HTR1F: variants seen among roughly 807,000 people sequenced by gnomAD.
The protein encoded by HTR1F is 5-hydroxytryptamine receptor 1F, also known as 5-hydroxytryptamine (serotonin) receptor 1F, G protein-coupled.
A neutral mutation model predicts 24.0 loss-of-function variants in HTR1F; 17 were observed. That is an observed-to-expected ratio of 0.71 (90% CI 0.48 to 1.06). HTR1F has a LOEUF of 1.06. Among genes scored for constraint, HTR1F ranks in the 50% least tolerant of loss-of-function variants. The probability of loss-of-function intolerance (pLI) is 0.00; values close to 1 mark genes in which losing one functional copy is unlikely to be tolerated. For synonymous variants in HTR1F, 186 were observed against 156.8 expected (o/e 1.19, Z -1.39); for missense variants, 391 against 427.8 (o/e 0.91, Z 0.76).
chr3:87,934,013 GA>G (rs1344524755), intron 2 of HTR1F, among the ~76,000 whole-genome samples: 1 of 152,082 alleles, frequency 6.6e-6, no homozygotes, highest in Non-Finnish European at 1.5e-5. Context: ...CAGTCCCTGG[GA>G]AAACTGTTCC....
chr3:87,844,370 G>C (rs1242655718), intron 2 of HTR1F, among the ~76,000 whole-genome samples: 2 of 136,442 alleles, frequency 1.5e-5, no homozygotes, highest in African/African-American at 6.5e-5. Context: ...CTTTTTGATG[G>C]GGTTGTTTGT....
At chr3:87,801,864 A>T (rs1360192228) in intron 1 of HTR1F, among the ~76,000 whole-genome samples, 1 of 152,180 alleles carries the variant, frequency 6.6e-6, no homozygotes, top group African/African-American at 2.4e-5. Flanking sequence ...TCAAGGTTAT[A>T]TCCAAATACC....
intron 2 of HTR1F, among the ~76,000 whole-genome samples, chr3:87,901,449 C>T (rs780607231): frequency 4.7e-4 from 71 of 152,102 alleles, no homozygotes; most frequent in Non-Finnish European, 9.3e-4. Context: ...ACCATGCTGA[C>T]ACCTTGATCT....
chr3:87,919,432 A>G (rs1703964085), intron 2 of HTR1F, among the ~76,000 whole-genome samples: 1 of 152,170 alleles, frequency 6.6e-6, no homozygotes, highest in South Asian at 2.1e-4. Context: ...CAGAGTTAAC[A>G]GACAACCCAC....
At chr3:87,893,986 T>A (rs1270305803) in intron 2 of HTR1F, among the ~76,000 whole-genome samples, 1 of 151,954 alleles carries the variant, frequency 6.6e-6, no homozygotes, top group Non-Finnish European at 1.5e-5. Flanking sequence ...TTTTCCTTTC[T>A]GCTTTGGACA....
intron 2 of HTR1F, among the ~76,000 whole-genome samples, chr3:87,929,495 T>C (rs1213800295): frequency 2.0e-5 from 3 of 152,216 alleles, no homozygotes; most frequent in Non-Finnish European, 4.4e-5. Context: ...GGATATAATT[T>C]ATAGATTCAA....
At chr3:87,878,532 G>A (rs1705719861) in intron 2 of HTR1F, among the ~76,000 whole-genome samples, 1 of 152,248 alleles carries the variant, frequency 6.6e-6, no homozygotes, top group African/African-American at 2.4e-5. Context: ...ATTGTAGGAT[G>A]AGGCAGAGGC....
At chr3:87,900,932 AT>A (rs1559624080) in intron 2 of HTR1F, among the ~76,000 whole-genome samples, 1 of 152,164 alleles carries the variant, frequency 6.6e-6, no homozygotes, top group Non-Finnish European at 1.5e-5. Context: ...CCCAGAATAG[AT>A]AAGTTTGGAA....
intron 2 of HTR1F, among the ~76,000 whole-genome samples, chr3:87,929,676 A>G (rs1185533388): frequency 1.3e-5 from 2 of 152,194 alleles, no homozygotes; most frequent in African/African-American, 4.8e-5. Context: ...TTCTTGTAGC[A>G]GGACCATGCT....
chr3:87,899,339 C>CTT (rs1706273065), intron 2 of HTR1F, among the ~76,000 whole-genome samples: 1 of 152,156 alleles, frequency 6.6e-6, no homozygotes, highest in Non-Finnish European at 1.5e-5. Flanking sequence ...AGAATTCTTT[C>CTT]ATTAAAACAG....
chr3:87,805,295 A>G (rs974051995), intron 1 of HTR1F, among the ~76,000 whole-genome samples: 1 of 152,030 alleles, frequency 6.6e-6, no homozygotes, highest in Admixed American at 6.6e-5. Context: ...GAGATAGCAG[A>G]AAAGTTAAGA....
chr3:87,982,804 T>C (rs1705575545), intron 2 of HTR1F, among the ~76,000 whole-genome samples: 1 of 152,210 alleles, frequency 6.6e-6, no homozygotes, highest in Non-Finnish European at 1.5e-5. Context: ...TAGGGGTGTC[T>C]ATTGCAATTA....
At chr3:87,810,484 T>A (rs1385841429) in intron 1 of HTR1F, among the ~76,000 whole-genome samples, 4 of 152,174 alleles carry the variant, frequency 2.6e-5, no homozygotes, top group Admixed American at 2.6e-4. Flanking sequence ...TTTCTTTTGA[T>A]GCCTTTCTTT....
intron 2 of HTR1F, among the ~76,000 whole-genome samples, chr3:87,919,936 C>A (rs56374909): frequency 6.6e-6 from 1 of 151,504 alleles, no homozygotes; most frequent in Non-Finnish European, 1.5e-5. Flanking sequence ...TATAGCAGCA[C>A]AATTTGCAAT....
chr3:87,845,491 A>G (rs1293978070), intron 2 of HTR1F, among the ~76,000 whole-genome samples: 1 of 149,064 alleles, frequency 6.7e-6, no homozygotes, highest in Non-Finnish European at 1.5e-5. Flanking sequence ...CAATTGCTTC[A>G]AAGAGAATAA....
chr3:87,972,621 A>G (rs189638203), intron 2 of HTR1F, among the ~76,000 whole-genome samples: 156 of 152,118 alleles, frequency 1.0e-3, no homozygotes, highest in Non-Finnish European at 1.8e-3. Flanking sequence ...CCCTGACCCT[A>G]TATTCTTTTC....
intron 2 of HTR1F, among the ~76,000 whole-genome samples, chr3:87,892,448 C>G (rs930522982): frequency 2.4e-4 from 36 of 152,062 alleles, no homozygotes; most frequent in Non-Finnish European, 4.7e-4. Flanking sequence ...ATAAAGGCGG[C>G]AAGACATAGT....
intron 2 of HTR1F, among the ~76,000 whole-genome samples, chr3:87,935,881 C>A (rs1410126818): frequency 8.6e-5 from 13 of 151,740 alleles, no homozygotes; most frequent in Admixed American, 8.5e-4. Flanking sequence ...GATGGAGTCT[C>A]GCTCTGTCAC....
chr3:87,978,928 G>GGAAAAA (rs1168173112), intron 2 of HTR1F, among the ~76,000 whole-genome samples: 1 of 70,362 alleles, frequency 1.4e-5, no homozygotes, highest in Non-Finnish European at 2.7e-5. Flanking sequence ...AAGGAAGGAA[G>GGAAAAA]GAAGGAAAAG....
Sources: gnomAD v4.1 joint callset for allele counts (sites outside exome capture counted in the v4.1 genomes callset) on GRCh38, gnomAD v4.1.1 for gene constraint, MANE v1.5 for transcripts, NCBI Gene and HGNC (gene_info 2026-07-23, HGNC 2026-07-21) for gene names.